GLI3: variants seen among roughly 807,000 people sequenced by gnomAD.
The protein encoded by GLI3 is transcription activator GLI3.
GLI3 carries 20 observed loss-of-function variants against 100.8 expected under a neutral mutation model. That is an observed-to-expected ratio of 0.20 (90% CI 0.14 to 0.29). The LOEUF (loss-of-function observed/expected upper bound fraction) is 0.29, where lower values mean the gene tolerates loss of function less well. GLI3 is among the 10% of genes least tolerant of loss of function. The probability of loss-of-function intolerance (pLI) is 1.00; values close to 1 mark genes in which losing one functional copy is unlikely to be tolerated. For synonymous variants in GLI3, 938 were observed against 860.5 expected (o/e 1.09, Z -1.58); for missense variants, 2,040 against 2,128.5 (o/e 0.96, Z 0.82).
chr7:42,233,000 T>A (rs1562795461), intron 1 of GLI3, among the ~76,000 whole-genome samples: 1 of 152,210 alleles, frequency 6.6e-6, no homozygotes, highest in Non-Finnish European at 1.5e-5. Context: ...AAAAAGTCTC[T>A]CATTTTCAGG....
intron 4 of GLI3, among the ~76,000 whole-genome samples, chr7:42,068,617 C>T (rs1489287596): frequency 2.6e-5 from 4 of 152,102 alleles, no homozygotes; most frequent in South Asian, 4.1e-4. Context: ...TGATTTTCCC[C>T]GGGGCAGGGA....
At chr7:42,155,522 CT>C (rs1255244936) in intron 2 of GLI3, among the ~76,000 whole-genome samples, 1 of 152,018 alleles carries the variant, frequency 6.6e-6, no homozygotes, top group African/African-American at 2.4e-5. Context: ...TTCTACTGTT[CT>C]TTTTACCAAA....
intron 3 of GLI3, chr7:42,145,251 T>A (rs554861079): frequency 8.2e-6 from 2 of 244,080 alleles, no homozygotes; most frequent in Non-Finnish European, 1.5e-5. Context: ...TAAAGTCATA[T>A]CCCATATGAT....
At chr7:42,038,813 A>G (rs1266661419) in intron 7 of GLI3, among the ~76,000 whole-genome samples, 2 of 152,246 alleles carry the variant, frequency 1.3e-5, no homozygotes, top group African/African-American at 4.8e-5. Flanking sequence ...AGACAACAGT[A>G]TTCATTATTT....
intron 2 of GLI3, among the ~76,000 whole-genome samples, chr7:42,178,036 A>C (rs887498974): frequency 3.3e-5 from 5 of 152,226 alleles, no homozygotes; most frequent in African/African-American, 1.2e-4. Context: ...GGAAAAAATC[A>C]GTGCTAACAA....
chr7:42,181,406 G>A (rs1202481077), intron 2 of GLI3, among the ~76,000 whole-genome samples: 1 of 151,958 alleles, frequency 6.6e-6, no homozygotes, highest in Non-Finnish European at 1.5e-5. Flanking sequence ...TTCAAGACCA[G>A]CTTGGGCAAC....
At chr7:42,221,800 T>C (rs1392677229) in intron 2 of GLI3, among the ~76,000 whole-genome samples, 2 of 152,194 alleles carry the variant, frequency 1.3e-5, no homozygotes, top group South Asian at 2.1e-4. Context: ...TATAACCACA[T>C]TGGATGAAAA....
At chr7:42,255,101 T>A (rs139628691) in intron 1 of GLI3, among the ~76,000 whole-genome samples, 7 of 151,346 alleles carry the variant, frequency 4.6e-5, no homozygotes, top group African/African-American at 1.7e-4. Flanking sequence ...TCTTTGTGCA[T>A]AGGATTCTTT....
chr7:42,035,208 T>C (rs1789405555), intron 7 of GLI3, among the ~76,000 whole-genome samples: 1 of 152,202 alleles, frequency 6.6e-6, no homozygotes, highest in African/African-American at 2.4e-5. Flanking sequence ...TTTGTCAGTA[T>C]GTTTCTCAAT....
intron 2 of GLI3, among the ~76,000 whole-genome samples, chr7:42,189,971 A>AACAC (rs57107204): frequency 0.023 from 3,294 of 143,300 alleles, 77 homozygotes; most frequent in African/African-American, 0.056. Flanking sequence ...GCATGGGCTC[A>AACAC]ACACACACAC....
chr7:42,249,572 T>C (rs1007018911), intron 1 of GLI3, among the ~76,000 whole-genome samples: 18 of 152,174 alleles, frequency 1.2e-4, no homozygotes, highest in African/African-American at 4.1e-4. Context: ...ACTTAACTTT[T>C]CTATCTTCAT....
intron 2 of GLI3, among the ~76,000 whole-genome samples, chr7:42,173,365 T>A (rs574601808): frequency 3.3e-5 from 5 of 152,314 alleles, no homozygotes; most frequent in Admixed American, 6.5e-5. Flanking sequence ...CCTATTTTTT[T>A]AAAATTGCAT....
At chr7:42,061,861 G>T (rs1235288771) in intron 4 of GLI3, among the ~76,000 whole-genome samples, 1 of 152,158 alleles carries the variant, frequency 6.6e-6, no homozygotes, top group Non-Finnish European at 1.5e-5. Flanking sequence ...TAGGGGTCTT[G>T]TTATCATGGC....
At chr7:42,208,709 A>G (rs914048548) in intron 2 of GLI3, among the ~76,000 whole-genome samples, 2 of 152,188 alleles carry the variant, frequency 1.3e-5, no homozygotes, top group Non-Finnish European at 2.9e-5. Flanking sequence ...ACTACATAAA[A>G]CCAGATGCCA....
At chr7:42,169,249 C>T (rs1296224088) in intron 2 of GLI3, among the ~76,000 whole-genome samples, 2 of 152,028 alleles carry the variant, frequency 1.3e-5, no homozygotes, top group Admixed American at 6.6e-5. Context: ...TTTAGACAGC[C>T]TAATATATAT....
At chr7:42,224,268 C>A (rs1239967284) in intron 1 of GLI3, among the ~76,000 whole-genome samples, 3 of 152,248 alleles carry the variant, frequency 2.0e-5, no homozygotes, top group Non-Finnish European at 4.4e-5. Flanking sequence ...GTCTGGCCAT[C>A]TTGCTTATTT....
chr7:41,967,582 G>C lies in GLI3; in HGVS notation c.2431+14C>G. On this transcript the variant is annotated intron_variant, in intron 14 of 14. Transcript: ENST00000395925. ...AAAACCCTGAGCAGATGCATGGTCTGATGTAGAACTCACCATTTCCTATGA... is the reference window on the plus strand; with the variant it reads ...AAAACCCTGAGCAGATGCATGGTCTCATGTAGAACTCACCATTTCCTATGA... The C allele has an allele frequency of 6.3e-7, 1 of 1,581,942 alleles. No homozygotes were observed. The highest frequency in any genetic ancestry group is 8.7e-7 in the Non-Finnish European group (1 of 1,151,702).
In GLI3 at chr7:41,968,747, A is replaced by AGAAAGAAG. The variant is rs1554305464; in HGVS notation, c.2104-825_2104-824insCTTCTTTC. On this transcript the variant is annotated intron_variant, in intron 13 of 14. Coordinates refer to ENST00000395925, the MANE Select transcript of GLI3 (RefSeq NM_000168.6). ...AAGAAAGAAAGAAAGAAAGAAAGAA[A>AGAAAGAAG]GAAAGAAAGAAAGAAGGAAAGAAAG... is the stretch of plus-strand genomic sequence containing the variant. Among the ~76,000 whole-genome samples, 997 of 121,202 alleles carry AGAAAGAAG rather than the reference A, an allele frequency of 8.2e-3. 7 individuals are homozygous for AGAAAGAAG. Among genetic ancestry groups the AGAAAGAAG allele is most frequent in the Non-Finnish European group, 9.5e-3 (564 of 59,372 alleles). 79.5% of individuals were successfully genotyped at this position (121,202 alleles called of 152,430 possible).
At chr7:42,139,693 T>C (rs1786519200) in intron 3 of GLI3, among the ~76,000 whole-genome samples, 1 of 152,038 alleles carries the variant, frequency 6.6e-6, no homozygotes, top group African/African-American at 2.4e-5. Flanking sequence ...AAAATATATA[T>C]ATGACCTGCT....
Sources: gnomAD v4.1 joint callset for allele counts (sites outside exome capture counted in the v4.1 genomes callset) on GRCh38, gnomAD v4.1.1 for gene constraint, MANE v1.5 for transcripts, NCBI Gene and HGNC (gene_info 2026-07-23, HGNC 2026-07-21) for gene names.